The following ITGB7 variants were observed in gnomAD, a reference collection of about 807,000 sequenced individuals.
ITGB7 encodes the protein integrin beta-7.
A neutral mutation model predicts 83.4 loss-of-function variants in ITGB7; 55 were observed. The observed-to-expected ratio is 0.66, with a 90% CI of 0.53 to 0.83. The LOEUF is 0.83. ITGB7 is among the 40% of genes least tolerant of loss of function. The pLI is 0.00. For synonymous variants in ITGB7, 454 were observed against 423.6 expected (o/e 1.07, Z -0.88); for missense variants, 921 against 1,046.7 (o/e 0.88, Z 1.66).
Position 53,195,871 on chromosome 12 carries a change from G to A in ITGB7, c.976-150C>T, listed in dbSNP as rs1017186135. Reference sequence around the variant, plus strand: ...TGGAATAGGAAGGAGGTAGGGAATGGGGTGACAAAGGTGTCCTGTCTCGGC... The same window carrying A: ...TGGAATAGGAAGGAGGTAGGGAATGAGGTGACAAAGGTGTCCTGTCTCGGC... On this transcript the variant is annotated intron_variant, in intron 7 of 15. Coordinates refer to ENST00000267082, the MANE Select transcript of ITGB7 (RefSeq NM_000889.3). The A allele has an allele frequency of 2.3e-5, 22 of 953,582 alleles. No individual in the cohort carries two copies. The East Asian group carries it at 5.6e-4, about 24-fold the overall frequency. The allele number at this position is 953,582 out of a possible 1,614,324, so 59.1% of individuals were successfully genotyped here.
In ITGB7 at chr12:53,193,689, G is replaced by A. The variant is rs777265400; in HGVS notation, c.1502+19C>T. On this transcript the variant is annotated intron_variant, in intron 11 of 15. Coordinates refer to ENST00000267082, the MANE Select transcript of ITGB7 (RefSeq NM_000889.3). ...GGTTGTTGGGAGCCAGGTGGTTGAA[G>A]GGAAGAGGAGGCCCTCACCTGCATA... is the stretch of plus-strand genomic sequence containing the variant. 1.3e-6 allele frequency: 2 copies of A among 1,586,880 alleles called. No individual in the cohort carries two copies. The highest frequency in any genetic ancestry group is 1.7e-6 in the Non-Finnish European group (2 of 1,164,624).
intron 3 of ITGB7, among the ~76,000 whole-genome samples, chr12:53,199,880 G>A (rs1311896736): frequency 6.6e-6 from 1 of 152,112 alleles, no homozygotes; most frequent in Non-Finnish European, 1.5e-5. Flanking sequence ...CCCGCACTGG[G>A]TAGTACCTTT....
chr12:53,192,571 G>T, intron 13 of ITGB7, 33 bp from the exon 14 acceptor site: 1 of 1,608,576 alleles, frequency 6.2e-7, no homozygotes. Flanking sequence ...TTACCAGCTG[G>T]GCAGTTGTCA....
intron 7 of ITGB7, 48 bp from the exon 8 acceptor site, chr12:53,195,769 A>G (rs367868120): frequency 2.7e-6 from 4 of 1,475,568 alleles, no homozygotes; most frequent in Non-Finnish European, 3.8e-6. Context: ...TTTCCCCCAC[A>G]ACATGCAAGG....
rs115494108 is a variant in ITGB7 at position 53,194,153 on chromosome 12, C to T, written c.1308+45G>A. 245 of 1,611,582 alleles carry T rather than the reference C, an allele frequency of 1.5e-4. No homozygotes were observed. The African/African-American group carries it at 3.1e-3, about 20-fold the overall frequency. ...TTCCTGCCTGCTTAATTTCCCACTC[C>T]CACCTCCCCCTGCCCGCCTTCTGCC... On this transcript the variant is annotated intron_variant, in intron 10 of 15. Transcript: ENST00000267082.
chr12:53,197,390 G>A (rs1226694500), intron 5 of ITGB7, 103 bp downstream of exon 5: 2 of 1,351,066 alleles, frequency 1.5e-6, no homozygotes, highest in Admixed American at 1.7e-5. Context: ...TCAACAACTG[G>A]GAGGGCAAGT....
intron 3 of ITGB7, among the ~76,000 whole-genome samples, chr12:53,198,395 A>G (rs1942239735): frequency 6.6e-6 from 1 of 150,398 alleles, no homozygotes; most frequent in Non-Finnish European, 1.5e-5. Flanking sequence ...AAGTGCTGGG[A>G]TTACAGACGT....
chr12:53,198,773 T>G (rs1942252020), intron 3 of ITGB7, among the ~76,000 whole-genome samples: 1 of 152,118 alleles, frequency 6.6e-6, no homozygotes, highest in Non-Finnish European at 1.5e-5. Flanking sequence ...AATGGGAAGG[T>G]GGTCAGACTA....
Position 53,191,658 on chromosome 12 carries a change from T to A in ITGB7, c.2317-22A>T, listed in dbSNP as rs748971455. The A allele has an allele frequency of 6.8e-5, 109 of 1,604,946 alleles. No individual in the cohort carries two copies. The Middle Eastern group carries it at 1.5e-3, about 22-fold the overall frequency. ...TGTCCTGGAGAAAGATGTTGCAGAT[T>A]ATAAGCAAAAATCCCAGGATTCCTC... On this transcript the variant is annotated intron_variant, in intron 15 of 15. Transcript: ENST00000267082.
At chr12:53,196,965 G>A (rs2120464979) in intron 5 of ITGB7, 145 bp from the exon 6 acceptor site, 1 of 863,952 alleles carries the variant, frequency 1.2e-6, no homozygotes, top group Non-Finnish European at 1.8e-6. Context: ...TAACTGGCAA[G>A]CAAAGCAGTG....
chr12:53,192,808 C>A lies in ITGB7; in HGVS notation c.1829G>T (p.Gly610Val). The change falls in exon 13 of 16, where the codon GGA becomes GTA. Residue 610 changes from glycine (G) to valine (V), a missense_variant. Physicochemically the swap from Gly to Val is moderately radical, Grantham distance 109. Transcript: ENST00000267082. ...GCGTCCATGCCCACTGCAGAGCCCT[C>A]CCTCGGGACTGATGCAACTGTCCAT... ...GDMDSCISPE[G>V]GLCSGHGRCK... 6.2e-7 allele frequency: 1 copy of A among 1,614,238 alleles called. No individual in the cohort carries two copies. Among genetic ancestry groups the A allele is most frequent in the Non-Finnish European group, 8.5e-7 (1 of 1,180,050 alleles).
Position 53,194,269 on chromosome 12 carries a change from C to T in ITGB7, c.1237G>A (p.Glu413Lys). 1 of 1,613,996 alleles carries T rather than the reference C, an allele frequency of 6.2e-7. No individual in the cohort carries two copies. The highest frequency in any genetic ancestry group is 8.5e-7 in the Non-Finnish European group (1 of 1,179,958). ...TTACCCTCCCTCTTCTCAGGACCCTCACACTGGGATTCGTAAGAAATGTGG... is the reference window on the plus strand; with the variant it reads ...TTACCCTCCCTCTTCTCAGGACCCTTACACTGGGATTCGTAAGAAATGTGG... The part of the protein sequence containing the change: ...GVHISYESQC[E>K]GPEKREGKAE... Residue 413 changes from glutamate (E) to lysine (K), a missense_variant, in exon 10 of 16, where the codon GAG becomes AAG. Physicochemically the swap from Glu to Lys is moderately conservative, Grantham distance 56. Transcript: ENST00000267082.
At position 53,197,797 on chromosome 12, in the gene ITGB7, C is replaced by A. The variant is rs773793721; in HGVS notation, c.356G>T (p.Gly119Val). 6.5e-7 allele frequency: 1 copy of A among 1,549,720 alleles called. No individual in the cohort carries two copies. Among genetic ancestry groups the A allele is most frequent in the East Asian group, 2.4e-5 (1 of 41,324 alleles). Reference sequence around the variant, plus strand: ...CCGCTGCGGCGCCAGCTGGGTGGCACCCTCTCCGCGGGCGCCCTGGCTGAG... The same window carrying A: ...CCGCTGCGGCGCCAGCTGGGTGGCAACCTCTCCGCGGGCGCCCTGGCTGAG... ...QPLSQGARGE[G>V]ATQLAPQRVR... The change falls in exon 4 of 16, where the codon GGT becomes GTT. Residue 119 changes from glycine to valine, a missense_variant. Gly to Val is a moderately radical substitution (Grantham distance 109). Coordinates refer to ENST00000267082, the MANE Select transcript of ITGB7 (RefSeq NM_000889.3).
At chr12:53,198,660 C>T (rs1006487871) in intron 3 of ITGB7, among the ~76,000 whole-genome samples, 2 of 151,704 alleles carry the variant, frequency 1.3e-5, no homozygotes, top group African/African-American at 4.9e-5. Context: ...CTCTCCTCCC[C>T]AATAGAGTCA....
intron 1 of ITGB7, among the ~76,000 whole-genome samples, 155 bp downstream of exon 1, chr12:53,207,047 G>T (rs550956850): frequency 8.5e-5 from 13 of 152,260 alleles, no homozygotes; most frequent in Non-Finnish European, 1.3e-4. Context: ...CCAGGTCAGG[G>T]GATCTTAGGA....
In ITGB7 at chr12:53,193,523, T is replaced by A. The variant is rs1396569345; in HGVS notation, c.1503-160A>T. On this transcript the variant is annotated intron_variant, in intron 11 of 15. Transcript: ENST00000267082. ...AGTGAAACACTGAGGGGTGAGAGAG[T>A]GGAGGGAGCCCCAGTCAGGGGGAGG... 4 of 727,608 alleles carry A rather than the reference T, an allele frequency of 5.5e-6. No individual in the cohort carries two copies. In the African/African-American group the frequency reaches 7.2e-5, roughly 13 times the overall value. The allele number at this position is 727,608 out of a possible 1,614,324, so 45.1% of individuals were successfully genotyped here. A position where few individuals can be genotyped will look rare whatever the true frequency, so the allele number is the denominator to read the frequency against.
chr12:53,197,465 A>C, intron 5 of ITGB7, 28 bp downstream of exon 5: 1 of 1,613,850 alleles, frequency 6.2e-7, no homozygotes, highest in Non-Finnish European at 8.5e-7. Context: ...GCAAGGGCTA[A>C]CAGGGCGGGA....
At chr12:53,204,186 C>G (rs1942382504) in intron 1 of ITGB7, among the ~76,000 whole-genome samples, 1 of 152,018 alleles carries the variant, frequency 6.6e-6, no homozygotes, top group South Asian at 2.1e-4. Flanking sequence ...TCAAAACCAG[C>G]CATACCAACA....
chr12:53,203,647 CAAAAA>C (rs1158624130), intron 1 of ITGB7, among the ~76,000 whole-genome samples: 10 of 51,054 alleles, frequency 2.0e-4, no homozygotes, highest in African/African-American at 4.2e-4. Context: ...GACCCTGTCT[CAAAAA>C]AAAAAAAAAA....
Sources: gnomAD v4.1 joint callset for allele counts (sites outside exome capture counted in the v4.1 genomes callset) on GRCh38, gnomAD v4.1.1 for gene constraint, MANE v1.5 for transcripts, NCBI Gene and HGNC (gene_info 2026-07-23, HGNC 2026-07-21) for gene names.